The following CTBP2 variants were observed in gnomAD, a reference collection of about 807,000 sequenced individuals.
CTBP2 encodes the protein C-terminal binding protein 2, also known as C-terminal-binding protein 2.
Under a neutral mutation model 80.3 loss-of-function variants are expected in CTBP2, and 30 were observed. The observed-to-expected ratio is 0.37, with a 90% CI of 0.28 to 0.51. The LOEUF (loss-of-function observed/expected upper bound fraction) is 0.51, where lower values mean the gene tolerates loss of function less well. Among genes scored for constraint, CTBP2 ranks in the 20% least tolerant of loss-of-function variants. The pLI, the probability that CTBP2 is intolerant of heterozygous loss-of-function variation, is 0.93. For synonymous variants in CTBP2, 594 were observed against 587.4 expected (o/e 1.01, Z -0.16); for missense variants, 1,212 against 1,375.3 (o/e 0.88, Z 1.88).
chr10:125,118,444 T>A (rs1399184668), intron 1 of CTBP2, among the ~76,000 whole-genome samples: 6 of 151,944 alleles, frequency 3.9e-5, no homozygotes, highest in Admixed American at 2.0e-4. Flanking sequence ...GGGGCTGCCA[T>A]GGGCCAAGTT....
intron 1 of CTBP2, among the ~76,000 whole-genome samples, chr10:125,011,984 T>C (rs887006177): frequency 2.6e-5 from 4 of 152,156 alleles, no homozygotes; most frequent in African/African-American, 9.7e-5. Flanking sequence ...AGGGAGCAGG[T>C]GCCATCCACC....
In CTBP2 at chr10:125,026,280, C is replaced by T. The variant is rs138067795; in HGVS notation, c.1480G>A (p.Glu494Lys). ...AGCGGAGAGGCGGCCACGTTGCGCT[C>T]CCTCTTTAGCAGCTCCATGGGCACC... Residue 494 changes from glutamate to lysine, a missense_variant, in exon 1 of 9, where the codon GAG becomes AAG. This residue lies in a region of CTBP2 where 848 missense variants were observed against 782.3 expected (regional missense o/e 1.08). Transcript: ENST00000309035. 4 of 1,613,760 alleles carry T rather than the reference C, an allele frequency of 2.5e-6. No individual in the cohort carries two copies. Among genetic ancestry groups the T allele is most frequent in the Middle Eastern group, 1.6e-4 (1 of 6,084 alleles).
At chr10:125,158,002 TTC>T (rs931010473) in intron 1 of CTBP2, among the ~76,000 whole-genome samples, 14 of 152,266 alleles carry the variant, frequency 9.2e-5, no homozygotes, top group East Asian at 3.9e-4. Context: ...AAGAAAAAAA[TTC>T]TGTTTCAACA....
chr10:125,041,119 T>C (rs1959614959), intron 2 of CTBP2, among the ~76,000 whole-genome samples: 1 of 152,208 alleles, frequency 6.6e-6, no homozygotes, highest in Admixed American at 6.5e-5. Flanking sequence ...GGTCTGTTCT[T>C]CACTCAGGCT....
chr10:125,042,022 C>T (rs1300317864), intron 2 of CTBP2, among the ~76,000 whole-genome samples: 13 of 151,884 alleles, frequency 8.6e-5, no homozygotes, highest in Admixed American at 8.5e-4. Context: ...TCTGTGGGTT[C>T]CTTTCTGCAC....
upstream of CTBP2, among the ~76,000 whole-genome samples, chr10:125,028,786 G>T (rs866393374): frequency 7.2e-5 from 11 of 152,312 alleles, no homozygotes; most frequent in South Asian, 6.2e-4. Context: ...CTTCCTTTAG[G>T]TATGTCAGGA....
chr10:125,096,840 A>G (rs1260828672), intron 2 of CTBP2, among the ~76,000 whole-genome samples: 1 of 152,218 alleles, frequency 6.6e-6, no homozygotes, highest in East Asian at 1.9e-4. Context: ...CCGAGAAATT[A>G]ACATTTCAAT....
chr10:125,142,087 AGGTGT>A (rs1299581039), intron 1 of CTBP2, among the ~76,000 whole-genome samples: 1 of 152,182 alleles, frequency 6.6e-6, no homozygotes, highest in Non-Finnish European at 1.5e-5. Flanking sequence ...CAGGGCCTGC[AGGTGT>A]GGCCCAGAAC....
chr10:125,013,520 C>T (rs1956150509), intron 1 of CTBP2, among the ~76,000 whole-genome samples: 1 of 152,180 alleles, frequency 6.6e-6, no homozygotes, highest in Non-Finnish European at 1.5e-5. Flanking sequence ...AGTCAAGTTT[C>T]TGGTAACAAA....
At chr10:125,115,337 G>A (rs1853060512) in intron 1 of CTBP2, among the ~76,000 whole-genome samples, 1 of 152,190 alleles carries the variant, frequency 6.6e-6, no homozygotes, top group Admixed American at 6.5e-5. Context: ...GCTAAAAAGA[G>A]AAAACTGGAA....
At chr10:125,145,865 G>A (rs1188094222) in intron 1 of CTBP2, among the ~76,000 whole-genome samples, 1 of 152,108 alleles carries the variant, frequency 6.6e-6, no homozygotes, top group East Asian at 1.9e-4. Flanking sequence ...TTGCATTCCA[G>A]CATGGGTGGT....
At chr10:125,052,425 AG>A (rs1220558589) in intron 2 of CTBP2, among the ~76,000 whole-genome samples, 1 of 152,218 alleles carries the variant, frequency 6.6e-6, no homozygotes, top group Non-Finnish European at 1.5e-5. Flanking sequence ...TGTGTTCGCC[AG>A]GGGAGAGACC....
intron 5 of CTBP2, 89 bp from the exon 8 acceptor site, chr10:124,994,074 GT>G: frequency 6.5e-7 from 1 of 1,548,348 alleles, no homozygotes; most frequent in South Asian, 1.2e-5. Context: ...CTGCAAGCTA[GT>G]TTTGTTGGTC....
At chr10:125,014,756 G>A (rs1956301373) in intron 1 of CTBP2, among the ~76,000 whole-genome samples, 1 of 152,226 alleles carries the variant, frequency 6.6e-6, no homozygotes, top group African/African-American at 2.4e-5. Context: ...AGTTTGGGGA[G>A]CTGAGTTTCA....
At chr10:124,992,170 G>A (rs929253932) in intron 8 of CTBP2, among the ~76,000 whole-genome samples, 21 of 143,526 alleles carry the variant, frequency 1.5e-4, no homozygotes, top group Non-Finnish European at 3.0e-4. Flanking sequence ...CTTTGCACTT[G>A]AACATCTTAT....
chr10:125,089,960 G>A (rs1318626027), intron 2 of CTBP2, among the ~76,000 whole-genome samples: 3 of 152,154 alleles, frequency 2.0e-5, no homozygotes, highest in East Asian at 1.9e-4. Context: ...TGCACCCTTC[G>A]TGTTTGCTCC....
chr10:125,029,428 G>A (rs1042865422), upstream of CTBP2, among the ~76,000 whole-genome samples: 3 of 151,908 alleles, frequency 2.0e-5, no homozygotes, highest in African/African-American at 4.8e-5. Flanking sequence ...TTTTAGTAGA[G>A]CCTACCATGT....
intron 1 of CTBP2, among the ~76,000 whole-genome samples, chr10:125,015,442 CAG>C (rs1350421671): frequency 3.9e-5 from 6 of 152,252 alleles, no homozygotes; most frequent in Non-Finnish European, 7.3e-5. Flanking sequence ...GTTTTTGAAA[CAG>C]AGCCTTTGCT....
chr10:124,996,574 GT>G (rs1156787683), intron 4 of CTBP2: 3 of 152,262 alleles, frequency 2.0e-5, no homozygotes, highest in Non-Finnish European at 4.4e-5. Flanking sequence ...GGTTTTTAAA[GT>G]TGAATGACAA....
Sources: gnomAD v4.1 joint callset for allele counts (sites outside exome capture counted in the v4.1 genomes callset) on GRCh38, gnomAD v4.1.1 for gene constraint, gnomAD v4.1.1 regional missense constraint, MANE v1.5 for transcripts, NCBI Gene and HGNC (gene_info 2026-07-23, HGNC 2026-07-21) for gene names.